The following ASXL2 variants were observed in gnomAD, a reference collection of about 807,000 sequenced individuals.
ASXL2 encodes ASXL transcriptional regulator 2, also known as putative Polycomb group protein ASXL2.
A neutral mutation model predicts 122.0 loss-of-function variants in ASXL2; 23 were observed. The ratio of observed to expected loss-of-function variants is 0.19; its 90% CI spans 0.14 to 0.27. The LOEUF (loss-of-function observed/expected upper bound fraction) is 0.27, where lower values mean the gene tolerates loss of function less well. ASXL2 is among the 10% of genes least tolerant of loss of function. The pLI is 1.00. For missense variants in ASXL2, 1,518 were observed against 1,713.8 expected (o/e 0.89, Z 2.02); for synonymous variants, 650 against 637.0 (o/e 1.02, Z -0.31).
chr2:25,806,412 A>C, intron 3 of ASXL2, 75 bp from the exon 4 acceptor site: 1 of 962,236 alleles, frequency 1.0e-6, no homozygotes, highest in East Asian at 2.6e-5. Context: ...TGTAACACTC[A>C]AAATAAAATT....
chr2:25,740,513 TC>T lies in ASXL2; in HGVS notation c.*1515del. On this transcript the variant is annotated 3_prime_UTR_variant, in exon 13 of 13. Transcript: ENST00000435504. ...ATATGCAAATGATGCAAATTGACAC[TC>T]CCCCATTTAATACAAAATTCTGTTA... The T allele has an allele frequency of 4.4e-6, 1 of 228,598 alleles. No individual in the cohort carries two copies. The highest frequency in any genetic ancestry group is 8.7e-6 in the Non-Finnish European group (1 of 115,248). The allele number at this position is 228,598 out of a possible 1,614,324, so 14.2% of individuals were successfully genotyped here.
At chr2:25,829,152 C>G (rs2149185601) in intron 3 of ASXL2, among the ~76,000 whole-genome samples, 1 of 152,196 alleles carries the variant, frequency 6.6e-6, no homozygotes, top group East Asian at 1.9e-4. Flanking sequence ...ATACCACCTA[C>G]TACAGAAGCT....
rs187560437 is a variant in ASXL2, at chr2:25,822,594, G to A, written c.143+12944C>T. 2.8e-5 allele frequency: 15 copies of A among 526,858 alleles called. No individual in the cohort carries two copies. In the East Asian group the frequency reaches 6.8e-4, roughly 24 times the overall value. 32.6% of individuals were successfully genotyped at this position (526,858 alleles called of 1,614,324 possible). On this transcript the variant is annotated intron_variant, in intron 3 of 12. Transcript: ENST00000435504. ...AACTTAACATTCAGTTGTCTCAGAG[G>A]AAGTGATAATTTTAAGTATTTAAAT... is the stretch of plus-strand genomic sequence containing the variant.
chr2:25,789,186 AT>A (rs950784918), intron 5 of ASXL2, among the ~76,000 whole-genome samples: 2 of 151,196 alleles, frequency 1.3e-5, no homozygotes, highest in East Asian at 2.0e-4. Context: ...CTGCAGTTCA[AT>A]TTTTTTTATT....
chr2:25,877,015 A>AT (rs558061803), intron 1 of ASXL2, among the ~76,000 whole-genome samples: 128 of 152,208 alleles, frequency 8.4e-4, no homozygotes, highest in South Asian at 2.1e-3. Flanking sequence ...AATAAATGTG[A>AT]TTTTTTTTAA....
chr2:25,865,924 T>C (rs1348965464), intron 1 of ASXL2, among the ~76,000 whole-genome samples: 1 of 151,976 alleles, frequency 6.6e-6, no homozygotes, highest in Non-Finnish European at 1.5e-5. Context: ...TGTGGACACG[T>C]GTAACCACAT....
In ASXL2 at chr2:25,858,235, T is replaced by G. The variant is rs562932187; in HGVS notation, c.58-12672A>C. On this transcript the variant is annotated intron_variant, in intron 1 of 12. Transcript: ENST00000435504. ...CAAACAACTGATTCTTTTAAATTGA[T>G]AATATTTATAATATTTCCCTTGGTC... Among the ~76,000 whole-genome samples, 45 of 152,320 alleles carry G rather than the reference T, an allele frequency of 3.0e-4. No individual in the cohort carries two copies. The South Asian group carries it at 9.1e-3, about 31-fold the overall frequency.
chr2:25,810,277 G>A (rs956402200), intron 3 of ASXL2: 10 of 631,452 alleles, frequency 1.6e-5, no homozygotes, highest in African/African-American at 3.6e-5. Context: ...ACCAACTTAC[G>A]AGCCACCTCT....
At chr2:25,856,916 C>A in intron 1 of ASXL2, 1 of 653,618 alleles carries the variant, frequency 1.5e-6, no homozygotes, top group South Asian at 1.8e-5. Context: ...TAGGTGGCAG[C>A]TGGGACAGTG....
chr2:25,789,863 C>A (rs2088805203), intron 5 of ASXL2, among the ~76,000 whole-genome samples: 1 of 152,064 alleles, frequency 6.6e-6, no homozygotes, highest in Non-Finnish European at 1.5e-5. Flanking sequence ...AGGCAAGTGA[C>A]CCAAACTGAC....
At chr2:25,773,473 G>A (rs991095303) in intron 5 of ASXL2, among the ~76,000 whole-genome samples, 1 of 151,846 alleles carries the variant, frequency 6.6e-6, no homozygotes, top group Non-Finnish European at 1.5e-5. Flanking sequence ...AGACCATCCT[G>A]GCTAACACGG....
chr2:25,826,524 T>A (rs2089379556), intron 3 of ASXL2, among the ~76,000 whole-genome samples: 1 of 152,140 alleles, frequency 6.6e-6, no homozygotes, highest in African/African-American at 2.4e-5. Flanking sequence ...ACTTATTTGA[T>A]CCTAGAGATA....
chr2:25,847,284 T>TAA (rs1249458494), intron 1 of ASXL2, among the ~76,000 whole-genome samples: 2 of 152,228 alleles, frequency 1.3e-5, no homozygotes, highest in African/African-American at 4.8e-5. Context: ...CTAACATTAT[T>TAA]AAACTGTTCC....
chr2:25,819,541 C>T (rs562892288), intron 3 of ASXL2, among the ~76,000 whole-genome samples: 37 of 152,216 alleles, frequency 2.4e-4, no homozygotes, highest in African/African-American at 7.0e-4. Flanking sequence ...AATGTCCTAT[C>T]GATCCTGTGA....
chr2:25,737,014 A>C lies in ASXL2; in HGVS notation c.*5015T>G, dbSNP rs2087747053. On this transcript the variant is annotated 3_prime_UTR_variant, in exon 13 of 13. Coordinates refer to ENST00000435504, the MANE Select transcript of ASXL2 (RefSeq NM_018263.6). ...GGGAACATAGACAACCTCTCCTACCAACTGGCTCAGACCTCATTTCCATAG... is the reference window on the plus strand; with the variant it reads ...GGGAACATAGACAACCTCTCCTACCCACTGGCTCAGACCTCATTTCCATAG... 6.6e-6 allele frequency: 1 copy of C among 152,172 alleles called. No individual in the cohort carries two copies. Among genetic ancestry groups the C allele is most frequent in the African/African-American group, 2.4e-5 (1 of 41,446 alleles). The allele number at this position is 152,172 out of a possible 1,614,324, so 9.4% of individuals were successfully genotyped here.
In ASXL2 at chr2:25,750,733, T is replaced by G. The variant is rs1193501393; in HGVS notation, c.1143-320A>C. 2.0e-5 allele frequency among the ~76,000 whole-genome samples: 3 copies of G among 152,244 alleles called. No individual in the cohort carries two copies. In the East Asian group the frequency reaches 5.8e-4, roughly 29 times the overall value. ...ATTAAGTTAATCCATATAAAGTACT[T>G]GCCTAACACATAATGAAAGTTCAGT... On this transcript the variant is annotated intron_variant, in intron 11 of 12. Transcript: ENST00000435504.
chr2:25,747,277 TATAA>T (rs2087958123), intron 12 of ASXL2, among the ~76,000 whole-genome samples: 1 of 152,192 alleles, frequency 6.6e-6, no homozygotes, highest in Non-Finnish European at 1.5e-5. Flanking sequence ...TTTGTATATA[TATAA>T]AAGTTGTAAC....
chr2:25,834,648 C>T (rs1328749808), intron 3 of ASXL2, among the ~76,000 whole-genome samples: 3 of 152,122 alleles, frequency 2.0e-5, no homozygotes, highest in African/African-American at 7.2e-5. Flanking sequence ...CCTCAAGTCT[C>T]ACAGGCAATA....
chr2:25,871,085 C>A (rs1241008082), intron 1 of ASXL2, among the ~76,000 whole-genome samples: 1 of 152,026 alleles, frequency 6.6e-6, no homozygotes, highest in Non-Finnish European at 1.5e-5. Context: ...ATTCAATAAC[C>A]TTTTAACAAT....
Sources: allele counts gnomAD v4.1 joint callset (sites outside exome capture counted in the v4.1 genomes callset), GRCh38; gene constraint gnomAD v4.1.1; transcripts MANE v1.5; gene names NCBI Gene and HGNC (gene_info 2026-07-23, HGNC 2026-07-21).